The following TXNRD2 variants were observed in gnomAD, a reference collection of about 807,000 sequenced individuals.
TXNRD2 encodes the protein thioredoxin reductase 2.
TXNRD2 carries 67 observed loss-of-function variants against 70.8 expected under a neutral mutation model. The ratio of observed to expected loss-of-function variants is 0.95; its 90% CI spans 0.78 to 1.16. TXNRD2 has a LOEUF of 1.16. Among genes scored for constraint, TXNRD2 ranks in the 50% most tolerant of loss-of-function variants. The pLI, the probability that TXNRD2 is intolerant of heterozygous loss-of-function variation, is 0.00. For missense variants in TXNRD2, 644 were observed against 719.9 expected (o/e 0.89, Z 1.21); for synonymous variants, 301 against 295.8 (o/e 1.02, Z -0.18).
Position 19,883,317 on chromosome 22 carries a change from T to G in TXNRD2, c.1086+8A>C. The G allele has an allele frequency of 6.2e-7, 1 of 1,612,860 alleles. No individual in the cohort carries two copies. The highest frequency in any genetic ancestry group is 8.5e-7 in the Non-Finnish European group (1 of 1,179,570). On this transcript the variant is annotated splice_region_variant and intron_variant, in intron 12 of 17. Coordinates refer to ENST00000400521, the MANE Select transcript of TXNRD2 (RefSeq NM_006440.5). ...GCAGGGGCCCTGGTCCCGGGACGCA[T>G]GCCGTACCTCCACCACGTCACCAAT...
At chr22:19,919,401 T>C in intron 3 of TXNRD2, 142 bp downstream of exon 3, 1 of 774,892 alleles carries the variant, frequency 1.3e-6, no homozygotes, top group Non-Finnish European at 2.2e-6. Flanking sequence ...TTTAAAGTAA[T>C]GATGAGTGAA....
In TXNRD2 at chr22:19,880,710, G is replaced by C. The variant is rs1468309616; in HGVS notation, c.1094C>G (p.Pro365Arg). The C allele has an allele frequency of 6.2e-7, 1 of 1,610,318 alleles. No individual in the cohort carries two copies. The highest frequency in any genetic ancestry group is 8.5e-7 in the Non-Finnish European group (1 of 1,179,376). ...YAIGDVVEGR[P>R]ELTPIAIMAG... ...CATGATCGCTATGGGTGTCAGCTCA[G>C]GCCGCCCCTTGGGGAAGGCACAGGG... The change falls in exon 13 of 18, where the codon CCT (proline) becomes CGT (arginine). Residue 365 changes from proline to arginine, a missense_variant. Physicochemically the swap from Pro to Arg is moderately radical, Grantham distance 103. This residue lies in a region of TXNRD2 where 566 missense variants were observed against 645.0 expected (regional missense o/e 0.88). Transcript: ENST00000400521.
rs115868054 is a variant in TXNRD2, at chr22:19,937,575, G to A, written c.103+4126C>T. 3.1e-3 allele frequency among the ~76,000 whole-genome samples: 472 copies of A among 152,244 alleles called. 3 individuals are homozygous for A. The highest frequency in any genetic ancestry group is 0.01 in the African/African-American group (424 of 41,538). ...TGCATATATTAAAGCTTGTGAAGGC[G>A]TTGGATCGGAGACCCACAGAGCTAT... On this transcript the variant is annotated intron_variant, in intron 1 of 17. Coordinates refer to ENST00000400521, the MANE Select transcript of TXNRD2 (RefSeq NM_006440.5).
intron 14 of TXNRD2, 33 bp from the exon 15 acceptor site, chr22:19,878,470 T>G: frequency 6.2e-7 from 1 of 1,600,840 alleles, no homozygotes; most frequent in South Asian, 1.1e-5. Flanking sequence ...GGATCAGTGC[T>G]GCGACAAACA....
intron 8 of TXNRD2, among the ~76,000 whole-genome samples, chr22:19,901,836 A>AG (rs1939792177): frequency 6.6e-6 from 1 of 152,246 alleles, no homozygotes; most frequent in East Asian, 1.9e-4. Flanking sequence ...TGCTGGCCAC[A>AG]GAAGTCAGGG....
Position 19,941,735 on chromosome 22 carries a change from C to T in TXNRD2, c.69G>A (p.Ala23=), listed in dbSNP as rs1439814842. 1 of 1,491,706 alleles carries T rather than the reference C, an allele frequency of 6.7e-7. No individual in the cohort carries two copies. The highest frequency in any genetic ancestry group is 1.3e-5 in the South Asian group (1 of 79,472). The allele number at this position is 1,491,706 out of a possible 1,614,324, so 92.4% of individuals were successfully genotyped here. The change falls in exon 1 of 18, where the codon GCG becomes GCA. Residue 23 remains alanine, a synonymous_variant. Transcript: ENST00000400521. ...CCCGCGCCGCGCCCCGCACCCCGCC[C>T]GCCACGGCCTGCGTCCGCCACCGGA... ...GRFRWRTQAV[A]GGVRGAARGA...
chr22:19,915,654 C>T, intron 6 of TXNRD2, 111 bp downstream of exon 6: 1 of 979,900 alleles, frequency 1.0e-6, no homozygotes, highest in Non-Finnish European at 1.6e-6. Flanking sequence ...CTTTTTGATT[C>T]CAGCAGCACG....
intron 8 of TXNRD2, among the ~76,000 whole-genome samples, chr22:19,905,074 G>A (rs117068250): frequency 0.011 from 1,740 of 152,224 alleles, 14 homozygotes; most frequent in Non-Finnish European, 0.018. Context: ...TATTTTGACT[G>A]CAGCAGAGGA....
rs148092370 is a variant in TXNRD2 at position 19,931,092 on chromosome 22, T to A, written c.110A>T (p.Gln37Leu). The A allele has an allele frequency of 1.7e-3, 2,818 of 1,613,424 alleles. 10 individuals are homozygous for A. The highest frequency in any genetic ancestry group is 0.013 in the Admixed American group (762 of 60,016). The change falls in exon 2 of 18, where the codon CAG (glutamine) becomes CTG (leucine). Residue 37 changes from glutamine to leucine, a missense_variant. This residue lies in a region of TXNRD2 where 566 missense variants were observed against 645.0 expected (regional missense o/e 0.88). Transcript: ENST00000400521. ...GACCACCAGGAGATCATAGTCCCGC[T>A]GACCTGCTGAGAGAAGGGATGAGAG... is the stretch of plus-strand genomic sequence containing the variant. Reference protein sequence around the residue: ...RGAARGAAAGQRDYDLLVVGG... With the variant: ...RGAARGAAAGLRDYDLLVVGG...
chr22:19,878,231 G>A (rs1938598410), intron 15 of TXNRD2, 44 bp from the exon 16 acceptor site: 1 of 1,600,254 alleles, frequency 6.2e-7, no homozygotes, highest in Non-Finnish European at 8.6e-7. Context: ...AGGGGGCTGG[G>A]TTGCGTCCAC....
chr22:19,917,669 C>T lies in TXNRD2; in HGVS notation c.449+474G>A, dbSNP rs572994822. On this transcript the variant is annotated intron_variant, in intron 5 of 17. Transcript: ENST00000400521. The stretch of plus-strand genomic sequence containing the variant: ...GGAGATCCCCAGGGGCTGACAGGAA[C>T]GGTGACCAAGTAGGGACATTTGCTC... Among the ~76,000 whole-genome samples, 5 of 152,244 alleles carry T rather than the reference C, an allele frequency of 3.3e-5. No homozygotes were observed. The East Asian group carries it at 5.8e-4, about 18-fold the overall frequency.
intron 8 of TXNRD2, among the ~76,000 whole-genome samples, chr22:19,906,918 C>A (rs867036260): frequency 1.1e-5 from 1 of 94,646 alleles, no homozygotes; most frequent in Non-Finnish European, 2.0e-5. Context: ...ATAGCAGTGA[C>A]GGCTCTCAGG....
intron 2 of TXNRD2, among the ~76,000 whole-genome samples, chr22:19,924,190 T>A (rs1379559041): frequency 2.6e-5 from 4 of 151,884 alleles, no homozygotes; most frequent in African/African-American, 9.7e-5. Flanking sequence ...GATTAGTGTA[T>A]CCCCAGACCC....
intron 8 of TXNRD2, chr22:19,903,128 G>A (rs1020522767): frequency 1.2e-4 from 58 of 476,640 alleles, no homozygotes; most frequent in Middle Eastern, 5.5e-4. Flanking sequence ...CCCTCCCCCA[G>A]GGCCCAGTGT....
At chr22:19,933,271 G>A (rs1331024057) in intron 1 of TXNRD2, among the ~76,000 whole-genome samples, 1 of 152,246 alleles carries the variant, frequency 6.6e-6, no homozygotes, top group Non-Finnish European at 1.5e-5. Context: ...CTAAATTGTT[G>A]TAAATTATTC....
At chr22:19,894,592 A>G (rs5993855) in intron 11 of TXNRD2, 39,537 of 168,472 alleles carry the variant, frequency 0.23, 6,284 homozygotes, top group African/African-American at 0.46. Flanking sequence ...TCACACCACC[A>G]CACTCCTCCT....
chr22:19,925,222 T>C (rs965158389), intron 2 of TXNRD2, among the ~76,000 whole-genome samples: 3 of 151,852 alleles, frequency 2.0e-5, no homozygotes, highest in African/African-American at 7.3e-5. Context: ...AGGCAGAGCT[T>C]GCAGTGAGCT....
At chr22:19,941,537 G>T in intron 1 of TXNRD2, 164 bp downstream of exon 1, 2 of 1,211,732 alleles carry the variant, frequency 1.7e-6, no homozygotes, top group Non-Finnish European at 1.1e-6. Context: ...GTGGCTAGAA[G>T]CAGCCCGGAC....
chr22:19,883,298 G>A (rs1403384833), intron 12 of TXNRD2, 27 bp downstream of exon 12: 1 of 1,609,696 alleles, frequency 6.2e-7, no homozygotes, highest in Admixed American at 1.7e-5. Flanking sequence ...AGGGGCAGGG[G>A]CCCTGGTCCC....
Sources: gnomAD v4.1 joint callset for allele counts (sites outside exome capture counted in the v4.1 genomes callset) on GRCh38, gnomAD v4.1.1 for gene constraint, gnomAD v4.1.1 regional missense constraint, MANE v1.5 for transcripts, NCBI Gene and HGNC (gene_info 2026-07-23, HGNC 2026-07-21) for gene names.